CNTN3: variants seen among roughly 807,000 people sequenced by gnomAD.
CNTN3 encodes contactin-3.
CNTN3 carries 60 observed loss-of-function variants against 119.1 expected under a neutral mutation model. The ratio of observed to expected loss-of-function variants is 0.50; its 90% CI spans 0.41 to 0.62. The LOEUF is 0.62. Ranked by LOEUF, CNTN3 falls within the 20% of genes least tolerant of loss-of-function variation. CNTN3 has a pLI of 0.00. For synonymous variants in CNTN3, 450 were observed against 438.7 expected (o/e 1.03, Z -0.32); for missense variants, 1,101 against 1,242.4 (o/e 0.89, Z 1.71).
chr3:74,374,220 A>C (rs752093642), intron 5 of CNTN3, among the ~76,000 whole-genome samples: 7 of 151,524 alleles, frequency 4.6e-5, no homozygotes, highest in Non-Finnish European at 8.8e-5. Flanking sequence ...TTGTTCACCA[A>C]CATGGGACCT....
At chr3:74,460,704 T>A (rs1295430268) in intron 4 of CNTN3, among the ~76,000 whole-genome samples, 1 of 145,332 alleles carries the variant, frequency 6.9e-6, no homozygotes, top group Non-Finnish European at 1.5e-5. Flanking sequence ...TTTACAGTTA[T>A]CCTCTAAAAG....
At chr3:74,539,176 G>C (rs755566131) in intron 1 of CNTN3, among the ~76,000 whole-genome samples, 2 of 152,102 alleles carry the variant, frequency 1.3e-5, no homozygotes, top group Admixed American at 6.6e-5. Flanking sequence ...GATAGATGAA[G>C]ACACTGAGAT....
At chr3:74,508,598 AT>A (rs1240697984) in intron 2 of CNTN3, among the ~76,000 whole-genome samples, 1 of 152,174 alleles carries the variant, frequency 6.6e-6, no homozygotes, top group Non-Finnish European at 1.5e-5. Flanking sequence ...CATACAACTG[AT>A]AAAAAGATTT....
intron 11 of CNTN3, among the ~76,000 whole-genome samples, chr3:74,343,319 A>G (rs867489348): frequency 1.4e-4 from 22 of 152,184 alleles, no homozygotes; most frequent in Middle Eastern, 3.2e-3. Flanking sequence ...TGCAGCAAAC[A>G]CCAAAGAGAA....
chr3:74,580,959 T>C (rs898280557), intron 1 of CNTN3, among the ~76,000 whole-genome samples: 1 of 152,184 alleles, frequency 6.6e-6, no homozygotes, highest in African/African-American at 2.4e-5. Flanking sequence ...TCTCAAGGAA[T>C]CTGCCCACCT....
At chr3:74,314,635 A>C (rs1702784795) in intron 13 of CNTN3, among the ~76,000 whole-genome samples, 2 of 152,218 alleles carry the variant, frequency 1.3e-5, no homozygotes, top group South Asian at 4.1e-4. Flanking sequence ...ACAACAGAGC[A>C]TCAAAATACA....
At chr3:74,315,137 C>T (rs973732698) in intron 13 of CNTN3, among the ~76,000 whole-genome samples, 1 of 152,186 alleles carries the variant, frequency 6.6e-6, no homozygotes, top group Non-Finnish European at 1.5e-5. Context: ...CCTGCCAGTG[C>T]CATGACAGTT....
intron 1 of CNTN3, among the ~76,000 whole-genome samples, chr3:74,586,792 T>A (rs916125881): frequency 6.6e-6 from 1 of 152,072 alleles, no homozygotes; most frequent in African/African-American, 2.4e-5. Flanking sequence ...ATTAAAGCCA[T>A]AACTCAAGCA....
chr3:74,345,736 T>C (rs757024721), intron 11 of CNTN3, among the ~76,000 whole-genome samples: 14 of 152,214 alleles, frequency 9.2e-5, no homozygotes, highest in Non-Finnish European at 1.3e-4. Context: ...GAGTTGTGTA[T>C]CTCCTTATCA....
intron 4 of CNTN3, among the ~76,000 whole-genome samples, chr3:74,435,887 G>A (rs188134407): frequency 2.6e-5 from 4 of 152,120 alleles, no homozygotes; most frequent in African/African-American, 4.8e-5. Context: ...TGGTCTCCCC[G>A]CCTGCAGCCT....
At position 74,488,933 on chromosome 3, in the gene CNTN3, A is replaced by G. The variant is rs746794231; in HGVS notation, c.183-2302T>C. Among the ~76,000 whole-genome samples the G allele has an allele frequency of 5.3e-5, 8 of 152,190 alleles. No individual in the cohort carries two copies. The East Asian group carries it at 1.2e-3, about 22-fold the overall frequency. On this transcript the variant is annotated intron_variant, in intron 3 of 22. Transcript: ENST00000263665. ...ATTATCCTTCCCAAATCAAGTCCATATCTCATGAACATTTGTGTCACTATG... is the reference window on the plus strand; with the variant it reads ...ATTATCCTTCCCAAATCAAGTCCATGTCTCATGAACATTTGTGTCACTATG...
At chr3:74,411,970 A>G (rs1701445962) in intron 5 of CNTN3, among the ~76,000 whole-genome samples, 1 of 152,352 alleles carries the variant, frequency 6.6e-6, no homozygotes, top group Middle Eastern at 3.4e-3. Flanking sequence ...TGCATATGTT[A>G]GAAAAAACGG....
intron 1 of CNTN3, among the ~76,000 whole-genome samples, chr3:74,598,724 G>A (rs115191610): frequency 1.8e-3 from 272 of 152,088 alleles, no homozygotes; most frequent in African/African-American, 6.1e-3. Context: ...AAGGCACTAA[G>A]ATAACATTAA....
intron 11 of CNTN3, among the ~76,000 whole-genome samples, chr3:74,351,273 G>A (rs190720174): frequency 9.3e-4 from 142 of 152,272 alleles, no homozygotes; most frequent in Non-Finnish European, 1.6e-3. Context: ...ACGGGGCAGC[G>A]ACAAAGTTGG....
At chr3:74,595,991 G>C (rs1173571794) in intron 1 of CNTN3, among the ~76,000 whole-genome samples, 4 of 152,246 alleles carry the variant, frequency 2.6e-5, no homozygotes, top group East Asian at 1.9e-4. Flanking sequence ...CTTCAGCAAA[G>C]TCTCAGGATA....
At chr3:74,285,790 G>GATATGTATATAT (rs1702099889) in intron 19 of CNTN3, among the ~76,000 whole-genome samples, 7 of 56,514 alleles carry the variant, frequency 1.2e-4, no homozygotes, top group Admixed American at 2.8e-4. Flanking sequence ...ATGAAGGGGA[G>GATATGTATATAT]ATATATATAT....
intron 5 of CNTN3, among the ~76,000 whole-genome samples, chr3:74,417,232 C>G (rs575003719): frequency 1.2e-4 from 18 of 152,100 alleles, no homozygotes; most frequent in African/African-American, 4.3e-4. Context: ...TCCCTGTGGG[C>G]CCATATGTAC....
intron 1 of CNTN3, among the ~76,000 whole-genome samples, chr3:74,531,811 T>A (rs1192766592): frequency 6.6e-6 from 1 of 151,910 alleles, no homozygotes; most frequent in African/African-American, 2.4e-5. Context: ...CAGATAGATG[T>A]CCTGGGGCTG....
chr3:74,572,479 C>T (rs1021501194), intron 1 of CNTN3, among the ~76,000 whole-genome samples: 4 of 151,200 alleles, frequency 2.6e-5, no homozygotes, highest in Non-Finnish European at 5.9e-5. Flanking sequence ...GGGAAGAGTT[C>T]GATCTATTTA....
Sources: allele counts gnomAD v4.1 joint callset (sites outside exome capture counted in the v4.1 genomes callset), GRCh38; gene constraint gnomAD v4.1.1; transcripts MANE v1.5; gene names NCBI Gene and HGNC (gene_info 2026-07-23, HGNC 2026-07-21).